Variants in TBC1D22A observed in about 807,000 individuals in gnomAD.
TBC1D22A encodes the protein TBC1 domain family member 22A.
In TBC1D22A, 38 loss-of-function variants were observed where a neutral mutation model predicts 60.2. That is an observed-to-expected ratio of 0.63 (90% CI 0.49 to 0.83). TBC1D22A has a LOEUF of 0.83. Ranked by LOEUF, TBC1D22A falls within the 40% of genes least tolerant of loss-of-function variation. The pLI, the probability that TBC1D22A is intolerant of heterozygous loss-of-function variation, is 0.00. For missense variants in TBC1D22A, 628 were observed against 701.0 expected (o/e 0.90, Z 1.18); for synonymous variants, 302 against 281.7 (o/e 1.07, Z -0.72).
intron 11 of TBC1D22A, among the ~76,000 whole-genome samples, chr22:47,047,963 A>C (rs979279684): frequency 6.6e-6 from 1 of 152,222 alleles, no homozygotes; most frequent in African/African-American, 2.4e-5. Context: ...GCAGCCCCTC[A>C]GTCTTTCCCC....
chr22:47,027,316 A>C (rs974397463), intron 10 of TBC1D22A, among the ~76,000 whole-genome samples: 10 of 152,130 alleles, frequency 6.6e-5, no homozygotes, highest in Admixed American at 3.9e-4. Flanking sequence ...TTGTTTTTTA[A>C]ATTTATTTTT....
At chr22:47,139,697 C>A (rs1009093992) in intron 12 of TBC1D22A, among the ~76,000 whole-genome samples, 3 of 152,212 alleles carry the variant, frequency 2.0e-5, no homozygotes, top group Non-Finnish European at 2.9e-5. Context: ...GGCGCGGTGT[C>A]CTGGCCGGGG....
At chr22:46,960,439 T>C (rs1239017913) in intron 8 of TBC1D22A, among the ~76,000 whole-genome samples, 1 of 152,148 alleles carries the variant, frequency 6.6e-6, no homozygotes, top group Admixed American at 6.5e-5. Context: ...TTTTTGTGTT[T>C]TTATTAGAGA....
At chr22:46,976,675 C>T (rs572696981) in intron 9 of TBC1D22A, among the ~76,000 whole-genome samples, 7 of 152,352 alleles carry the variant, frequency 4.6e-5, no homozygotes, top group Non-Finnish European at 7.3e-5. Context: ...CTCGAACCAT[C>T]TTCCTTAAGC....
At chr22:46,790,138 G>C (rs1279621945) in intron 1 of TBC1D22A, among the ~76,000 whole-genome samples, 1 of 152,274 alleles carries the variant, frequency 6.6e-6, no homozygotes, top group Admixed American at 6.5e-5. Flanking sequence ...CTAACACCAA[G>C]GTGTTGGCGG....
intron 10 of TBC1D22A, among the ~76,000 whole-genome samples, chr22:47,030,190 C>T (rs2062422352): frequency 6.6e-6 from 1 of 152,234 alleles, no homozygotes; most frequent in Admixed American, 6.5e-5. Context: ...CTATTCATGG[C>T]TGTCCCAGCC....
intron 4 of TBC1D22A, among the ~76,000 whole-genome samples, chr22:46,856,543 T>C (rs1602175203): frequency 6.6e-6 from 1 of 152,204 alleles, no homozygotes; most frequent in Non-Finnish European, 1.5e-5. Flanking sequence ...CCATGCAACA[T>C]TGGCTGCGGG....
intron 9 of TBC1D22A, among the ~76,000 whole-genome samples, chr22:46,977,240 C>T (rs2074334539): frequency 6.6e-6 from 1 of 152,160 alleles, no homozygotes; most frequent in African/African-American, 2.4e-5. Context: ...TTTGGATGTC[C>T]TGGATGGTCA....
At chr22:46,919,289 C>T (rs868433020) in intron 8 of TBC1D22A, among the ~76,000 whole-genome samples, 3 of 152,182 alleles carry the variant, frequency 2.0e-5, no homozygotes, top group African/African-American at 7.2e-5. Context: ...GCTTCTTCCA[C>T]TTGGCATCAT....
At chr22:47,116,989 G>A (rs528139600) in intron 12 of TBC1D22A, 1 of 153,432 alleles carries the variant, frequency 6.5e-6, no homozygotes, top group African/African-American at 2.4e-5. Context: ...GGACTGCTCT[G>A]CGGGGGTCGG....
intron 12 of TBC1D22A, among the ~76,000 whole-genome samples, chr22:47,119,922 AAGGTAGG>A (rs1031554898): frequency 1.3e-5 from 2 of 152,172 alleles, no homozygotes; most frequent in African/African-American, 4.8e-5. Flanking sequence ...TATGTGGTGG[AAGGTAGG>A]AGGGCAAGAG....
In TBC1D22A at chr22:47,175,601, G is replaced by GC. The variant is rs2068656070; in HGVS notation, c.*1975_*1976insC. On this transcript the variant is annotated 3_prime_UTR_variant, in exon 13 of 13. Coordinates refer to ENST00000337137, the MANE Select transcript of TBC1D22A (RefSeq NM_014346.5). Reference sequence around the variant, plus strand: ...ACTGAATGTGAGAGGTGTTGGCCGCGGGCCTTAAGTCTGAGCAGATCCATC... The same window carrying GC: ...ACTGAATGTGAGAGGTGTTGGCCGCGCGGCCTTAAGTCTGAGCAGATCCATC... 6.6e-6 allele frequency: 1 copy of GC among 152,192 alleles called. No homozygotes were observed. Among genetic ancestry groups the GC allele is most frequent in the Non-Finnish European group, 1.5e-5 (1 of 68,094 alleles). The allele number at this position is 152,192 out of a possible 1,614,324, so 9.4% of individuals were successfully genotyped here. A position where few individuals can be genotyped will look rare whatever the true frequency, so the allele number is the denominator to read the frequency against.
chr22:47,041,339 C>T (rs890966726), intron 11 of TBC1D22A, among the ~76,000 whole-genome samples: 4 of 152,196 alleles, frequency 2.6e-5, no homozygotes, highest in African/African-American at 7.2e-5. Context: ...GGCTTCGGAT[C>T]TGGTCATTCC....
intron 9 of TBC1D22A, among the ~76,000 whole-genome samples, 161 bp downstream of exon 9, chr22:46,974,560 G>C (rs988791708): frequency 2.0e-5 from 3 of 152,228 alleles, no homozygotes; most frequent in Non-Finnish European, 4.4e-5. Context: ...CCGGGTTGAC[G>C]AGGGGTGAGA....
chr22:46,792,516 T>C lies in TBC1D22A; in HGVS notation c.63-4T>C. 1 of 1,614,216 alleles carries C rather than the reference T, an allele frequency of 6.2e-7. No individual in the cohort carries two copies. Among genetic ancestry groups the C allele is most frequent in the African/African-American group, 1.3e-5 (1 of 75,068 alleles). ...TCACTGGTTTTCCTTTTCTTTTCCA[T>C]CAGCATCCAGCACGTGTATGGTGCC... On this transcript the variant is annotated splice_region_variant and splice_polypyrimidine_tract_variant and intron_variant, in intron 1 of 12. Coordinates refer to ENST00000337137, the MANE Select transcript of TBC1D22A (RefSeq NM_014346.5).
intron 11 of TBC1D22A, among the ~76,000 whole-genome samples, chr22:47,055,902 A>G (rs1296412844): frequency 6.6e-6 from 1 of 151,778 alleles, no homozygotes; most frequent in African/African-American, 2.4e-5. Flanking sequence ...GGTCGGTGAG[A>G]TACGCCACTG....
At chr22:46,841,073 T>TGTGTGTGTGTGTGTGTGTGA (rs35099198) in intron 4 of TBC1D22A, among the ~76,000 whole-genome samples, 7 of 148,568 alleles carry the variant, frequency 4.7e-5, no homozygotes, top group African/African-American at 1.7e-4. Context: ...TGTGTGTGTG[T>TGTGTGTGTGTGTGTGTGTGA]GAGAGAGAGA....
At chr22:46,947,590 C>A (rs756651066) in intron 8 of TBC1D22A, among the ~76,000 whole-genome samples, 2 of 152,222 alleles carry the variant, frequency 1.3e-5, no homozygotes, top group African/African-American at 2.4e-5. Flanking sequence ...AAGCCATGGG[C>A]TGCTGCTCCC....
rs116548208 is a variant in TBC1D22A at position 46,770,427 on chromosome 22, C to T, written c.62+7579C>T. Among the ~76,000 whole-genome samples, 296 of 152,330 alleles carry T rather than the reference C, an allele frequency of 1.9e-3. 3 individuals are homozygous for T. The highest frequency in any genetic ancestry group is 6.7e-3 in the African/African-American group (277 of 41,590). On this transcript the variant is annotated intron_variant, in intron 1 of 12. Coordinates refer to ENST00000337137, the MANE Select transcript of TBC1D22A (RefSeq NM_014346.5). ...GCCGGATTTCTGACCTTCAGAACTT[C>T]GAGATAGTGAATGCATGTTTTAAGC...
Sources: allele counts gnomAD v4.1 joint callset (sites outside exome capture counted in the v4.1 genomes callset), GRCh38; gene constraint gnomAD v4.1.1; transcripts MANE v1.5; gene names NCBI Gene and HGNC (gene_info 2026-07-23, HGNC 2026-07-21).